ODAPH: variants seen among roughly 807,000 people sequenced by gnomAD.
The protein encoded by ODAPH is amelogenesis imperfecta type IIA4.
Under a neutral mutation model 2.8 loss-of-function variants are expected in ODAPH, and 2 were observed. The ratio of observed to expected loss-of-function variants is 0.72; its 90% CI spans 0.30 to 2.28. The LOEUF is 2.28. Ranked by LOEUF, ODAPH falls within the 30% of genes most tolerant of loss-of-function variation. The probability of loss-of-function intolerance (pLI) is 0.13; values close to 1 mark genes in which losing one functional copy is unlikely to be tolerated. For synonymous variants in ODAPH, 75 were observed against 60.3 expected (o/e 1.24, Z -1.13); for missense variants, 159 against 163.3 (o/e 0.97, Z 0.14).
chr4:75,562,733 T>A (rs1224615736), intron 1 of ODAPH, among the ~76,000 whole-genome samples: 1 of 152,138 alleles, frequency 6.6e-6, no homozygotes, highest in Non-Finnish European at 1.5e-5. Flanking sequence ...TTGTAGCCAA[T>A]TTGATTCAAT....
chr4:75,564,433 A>C lies in ODAPH; in HGVS notation c.387A>C (p.Glu129Asp), dbSNP rs1727733513. The C allele has an allele frequency of 5.6e-6, 9 of 1,614,086 alleles. No individual in the cohort carries two copies. The highest frequency in any genetic ancestry group is 7.6e-6 in the Non-Finnish European group (9 of 1,180,042). Residue 129 changes from glutamate (E) to aspartate (D), a missense_variant, in exon 2 of 2, where the codon GAA becomes GAC. Physicochemically the swap from Glu to Asp is conservative, Grantham distance 45. Transcript: ENST00000311623. The part of the protein sequence containing the change: ...RRLQRGSSSE[E>D]S The stretch of plus-strand genomic sequence containing the variant: ...TCCAGAGAGGAAGCTCATCTGAGGA[A>C]AGCTGAGAGGGAAGAGAAACCCAAA...
downstream of ODAPH, chr4:75,565,226 G>C (rs943835203): frequency 2.0e-5 from 3 of 152,224 alleles, no homozygotes; most frequent in African/African-American, 7.2e-5. Flanking sequence ...TCGAACTCCT[G>C]ACCTCAGGTG....
At chr4:75,560,605 T>C (rs1727521896) in intron 1 of ODAPH, among the ~76,000 whole-genome samples, 1 of 152,208 alleles carries the variant, frequency 6.6e-6, no homozygotes, top group Non-Finnish European at 1.5e-5. Flanking sequence ...TGTGGTTTTA[T>C]GGGGTCCTGC....
intron 1 of ODAPH, among the ~76,000 whole-genome samples, chr4:75,558,036 G>A (rs1249729771): frequency 3.3e-5 from 5 of 152,126 alleles, no homozygotes; most frequent in East Asian, 1.9e-4. Flanking sequence ...CATCACCTAC[G>A]GCACGTATGG....
chr4:75,556,149 G>T lies in ODAPH; in HGVS notation c.67G>T (p.Gly23Ter). 1 of 1,613,724 alleles carries T rather than the reference G, an allele frequency of 6.2e-7. No individual in the cohort carries two copies. The highest frequency in any genetic ancestry group is 8.5e-7 in the Non-Finnish European group (1 of 1,179,660). Reference sequence around the variant, plus strand: ...CTGGTTGGTGGTAACTGTGGCAGAAGGTAAGGGTTTTGCTTTTATTCTACT... The same window carrying T: ...CTGGTTGGTGGTAACTGTGGCAGAATGTAAGGGTTTTGCTTTTATTCTACT... ...VCWLVVTVAEGQEEVFTPPGD... is the reference protein window; with the variant it reads ...VCWLVVTVAE Residue 23 changes from glycine to a stop codon, truncating the protein, a stop_gained and splice_region_variant, in exon 1 of 2, where the codon GGA (glycine) becomes TGA (stop). Coordinates refer to ENST00000311623, the MANE Select transcript of ODAPH (RefSeq NM_178497.5). LOFTEE classifies it low-confidence loss of function (END_TRUNC).
chr4:75,564,729 A>G lies in ODAPH; in HGVS notation c.*290A>G. Reference sequence around the variant, plus strand: ...AATCTTTAAATGGGTGGCTCTAGTAATTCCTATCCATACTAAGATGCTGAG... The same window carrying G: ...AATCTTTAAATGGGTGGCTCTAGTAGTTCCTATCCATACTAAGATGCTGAG... On this transcript the variant is annotated 3_prime_UTR_variant, in exon 2 of 2. Coordinates refer to ENST00000311623, the MANE Select transcript of ODAPH (RefSeq NM_178497.5). 5.2e-6 allele frequency: 3 copies of G among 578,810 alleles called. No individual in the cohort carries two copies. Among genetic ancestry groups the G allele is most frequent in the Non-Finnish European group, 9.1e-6 (3 of 330,812 alleles). 35.9% of individuals were successfully genotyped at this position (578,810 alleles called of 1,614,324 possible).
At chr4:75,557,934 AT>A (rs913847692) in intron 1 of ODAPH, among the ~76,000 whole-genome samples, 2 of 152,198 alleles carry the variant, frequency 1.3e-5, no homozygotes, top group Non-Finnish European at 2.9e-5. Flanking sequence ...TGCCACTATG[AT>A]TTTGCCTTGA....
intron 1 of ODAPH, 70 bp from the exon 2 acceptor site, chr4:75,564,044 C>A: frequency 7.3e-7 from 1 of 1,376,494 alleles, no homozygotes; most frequent in Non-Finnish European, 1.0e-6. Flanking sequence ...TCTCCTCTGC[C>A]ACCACTCTAA....
At chr4:75,560,307 C>T (rs1578294298) in intron 1 of ODAPH, among the ~76,000 whole-genome samples, 2 of 152,182 alleles carry the variant, frequency 1.3e-5, no homozygotes, top group South Asian at 4.2e-4. Flanking sequence ...GCAAATTCTT[C>T]AGATGAATGA....
At chr4:75,561,616 G>A (rs1727579269) in intron 1 of ODAPH, among the ~76,000 whole-genome samples, 1 of 152,154 alleles carries the variant, frequency 6.6e-6, no homozygotes, top group Non-Finnish European at 1.5e-5. Context: ...GAGGCCCAAG[G>A]CAAGTGGATC....
At chr4:75,562,305 G>T (rs1303693291) in intron 1 of ODAPH, among the ~76,000 whole-genome samples, 1 of 151,548 alleles carries the variant, frequency 6.6e-6, no homozygotes, top group Non-Finnish European at 1.5e-5. Context: ...TCCTTTATAA[G>T]TGCCTCAGCA....
intron 1 of ODAPH, among the ~76,000 whole-genome samples, chr4:75,561,408 A>C (rs1727573395): frequency 6.6e-6 from 1 of 152,128 alleles, no homozygotes; most frequent in South Asian, 2.1e-4. Context: ...ATGTACCCTG[A>C]GTAGCTGTGG....
At position 75,556,146 on chromosome 4, in the gene ODAPH, G is replaced by A. The variant is rs748039090; in HGVS notation, c.64G>A (p.Glu22Lys). 1 of 1,614,164 alleles carries A rather than the reference G, an allele frequency of 6.2e-7. No homozygotes were observed. The highest frequency in any genetic ancestry group is 8.5e-7 in the Non-Finnish European group (1 of 1,179,980). Residue 22 changes from glutamate (E) to lysine (K), a missense_variant, in exon 1 of 2, where the codon GAA (glutamate) becomes AAA (lysine). Transcript: ENST00000311623. ...LVCWLVVTVAEGQEEVFTPPG... is the reference protein window; with the variant it reads ...LVCWLVVTVAKGQEEVFTPPG... ...ATGCTGGTTGGTGGTAACTGTGGCA[G>A]AAGGTAAGGGTTTTGCTTTTATTCT...
rs761353356 is a variant in ODAPH, at chr4:75,564,736, T to A, written c.*297T>A. On this transcript the variant is annotated 3_prime_UTR_variant, in exon 2 of 2. Transcript: ENST00000311623. ...AAATGGGTGGCTCTAGTAATTCCTA[T>A]CCATACTAAGATGCTGAGAGAATCC... 5.2e-6 allele frequency: 3 copies of A among 571,570 alleles called. No individual in the cohort carries two copies. The highest frequency in any genetic ancestry group is 6.1e-6 in the Non-Finnish European group (2 of 325,748). 35.4% of individuals were successfully genotyped at this position (571,570 alleles called of 1,614,324 possible).
chr4:75,560,146 G>T (rs921282931), intron 1 of ODAPH, among the ~76,000 whole-genome samples: 1 of 152,194 alleles, frequency 6.6e-6, no homozygotes, highest in African/African-American at 2.4e-5. Context: ...GATTCCAATG[G>T]ATTAAATAGG....
chr4:75,562,583 G>A (rs913633796), intron 1 of ODAPH, among the ~76,000 whole-genome samples: 12 of 151,968 alleles, frequency 7.9e-5, no homozygotes, highest in Non-Finnish European at 1.8e-4. Context: ...CAGGTGATCC[G>A]CCCACCTCGG....
chr4:75,559,789 C>A (rs1317964580), intron 1 of ODAPH, among the ~76,000 whole-genome samples: 2 of 152,278 alleles, frequency 1.3e-5, no homozygotes, highest in East Asian at 1.9e-4. Context: ...TCAATCAATT[C>A]AATTGTACTG....
chr4:75,560,611 C>T (rs144770697), intron 1 of ODAPH, among the ~76,000 whole-genome samples: 154 of 152,322 alleles, frequency 1.0e-3, no homozygotes, highest in African/African-American at 3.5e-3. Context: ...TTTATGGGGT[C>T]CTGCCCACAT....
intron 1 of ODAPH, among the ~76,000 whole-genome samples, chr4:75,558,959 G>T (rs994021961): frequency 1.2e-4 from 19 of 152,128 alleles, no homozygotes; most frequent in African/African-American, 4.3e-4. Flanking sequence ...GCCTCCCAAA[G>T]TGCTGGGATT....
Sources: allele counts gnomAD v4.1 joint callset (sites outside exome capture counted in the v4.1 genomes callset), GRCh38; gene constraint gnomAD v4.1.1; transcripts MANE v1.5; gene names NCBI Gene and HGNC (gene_info 2026-07-23, HGNC 2026-07-21).